The following APPBP2 variants were observed in gnomAD, a reference collection of about 807,000 sequenced individuals.
APPBP2 encodes amyloid protein-binding protein 2.
APPBP2 carries 15 observed loss-of-function variants against 76.0 expected under a neutral mutation model. The ratio of observed to expected loss-of-function variants is 0.20; its 90% CI spans 0.13 to 0.30. The LOEUF is 0.30. APPBP2 is among the 10% of genes least tolerant of loss of function. APPBP2 has a pLI of 1.00. For synonymous variants in APPBP2, 222 were observed against 242.2 expected (o/e 0.92, Z 0.77); for missense variants, 401 against 687.2 (o/e 0.58, Z 4.66).
intron 4 of APPBP2, among the ~76,000 whole-genome samples, chr17:60,471,156 CT>C (rs2090549596): frequency 1.3e-5 from 2 of 152,074 alleles, no homozygotes; most frequent in African/African-American, 4.8e-5. Context: ...ATACTAGAAA[CT>C]TAATTGACAT....
chr17:60,460,917 T>C, intron 8 of APPBP2, 130 bp from the exon 9 acceptor site: 1 of 878,800 alleles, frequency 1.1e-6, no homozygotes, highest in African/African-American at 1.7e-5. Context: ...AAAGTCCTGC[T>C]GTATTTAAAT....
At chr17:60,476,300 A>G (rs1193045938) in intron 4 of APPBP2, among the ~76,000 whole-genome samples, 4 of 152,176 alleles carry the variant, frequency 2.6e-5, no homozygotes, top group Non-Finnish European at 4.4e-5. Flanking sequence ...TGTGACATTA[A>G]ATTGAAAAAT....
intron 1 of APPBP2, among the ~76,000 whole-genome samples, chr17:60,506,474 T>C (rs916597702): frequency 3.9e-5 from 6 of 152,184 alleles, no homozygotes; most frequent in African/African-American, 1.2e-4. Flanking sequence ...CCAAATCCTC[T>C]CAACTACACT....
intron 8 of APPBP2, 21 bp from the exon 9 acceptor site, chr17:60,460,808 T>C (rs1277851625): frequency 6.2e-7 from 1 of 1,609,140 alleles, no homozygotes; most frequent in East Asian, 2.2e-5. Context: ...CATAAAAATA[T>C]TTGTCAATAC....
intron 3 of APPBP2, among the ~76,000 whole-genome samples, chr17:60,490,174 A>G (rs57611561): frequency 0.082 from 12,507 of 152,236 alleles, 1,702 homozygotes; most frequent in African/African-American, 0.28. Flanking sequence ...ACACACATAC[A>G]AACAAATGAG....
rs1222656853 is a variant in APPBP2, at chr17:60,523,664, AT to A, written c.138+2129del. On this transcript the variant is annotated intron_variant, in intron 1 of 12. Transcript: ENST00000083182. ...GGCAAAACAGCGAGACCCCATCTCT[AT>A]TTTTTTTAAATTTTAATAAAAAGAA... Among the ~76,000 whole-genome samples, 3 of 151,998 alleles carry A rather than the reference AT, an allele frequency of 2.0e-5. No individual in the cohort carries two copies. The South Asian group carries it at 6.2e-4, about 32-fold the overall frequency.
intron 2 of APPBP2, among the ~76,000 whole-genome samples, chr17:60,499,345 AAT>A (rs1567936023): frequency 2.0e-5 from 3 of 151,908 alleles, no homozygotes; most frequent in Admixed American, 6.6e-5. Context: ...AAAAAAAAAA[AAT>A]ATGGAAAACA....
chr17:60,495,537 T>C (rs1470794515), intron 2 of APPBP2, among the ~76,000 whole-genome samples: 1 of 151,816 alleles, frequency 6.6e-6, no homozygotes, highest in African/African-American at 2.4e-5. Flanking sequence ...AGTGGCATGA[T>C]CATAGCTCAC....
At chr17:60,499,204 G>A (rs536186426) in intron 2 of APPBP2, among the ~76,000 whole-genome samples, 2 of 151,252 alleles carry the variant, frequency 1.3e-5, no homozygotes, top group East Asian at 2.0e-4. Context: ...GATAGCATGC[G>A]CCTATAGTCC....
At position 60,479,236 on chromosome 17, in the gene APPBP2, C is replaced by A. The variant is rs1190261096; in HGVS notation, c.415G>T (p.Ala139Ser). The A allele has an allele frequency of 6.2e-7, 1 of 1,613,492 alleles. No individual in the cohort carries two copies. The highest frequency in any genetic ancestry group is 8.5e-7 in the Non-Finnish European group (1 of 1,179,774). Residue 139 changes from alanine to serine, a missense_variant, in exon 4 of 13, where the codon GCT (alanine) becomes TCT (serine). Coordinates refer to ENST00000083182, the MANE Select transcript of APPBP2 (RefSeq NM_006380.5). ...FLSDAGWYSD[A>S]EKVFLSCLQL... Reference sequence around the variant, plus strand: ...AGGCAGGACAGAAAAACTTTCTCAGCATCACTGTACCAGCCTGCATCTGAA... The same window carrying A: ...AGGCAGGACAGAAAAACTTTCTCAGAATCACTGTACCAGCCTGCATCTGAA...
At chr17:60,492,292 G>A (rs930519115) in intron 3 of APPBP2, among the ~76,000 whole-genome samples, 6 of 152,222 alleles carry the variant, frequency 3.9e-5, no homozygotes, top group African/African-American at 1.4e-4. Flanking sequence ...CTAGGGCAGT[G>A]TGGAAGGGAA....
chr17:60,469,150 C>CGT (rs2090532713), intron 4 of APPBP2, among the ~76,000 whole-genome samples: 1 of 151,586 alleles, frequency 6.6e-6, no homozygotes, highest in African/African-American at 2.4e-5. Context: ...ACACGATCCC[C>CGT]GTCTCTACTA....
chr17:60,451,651 T>C (rs2090396149), intron 12 of APPBP2, among the ~76,000 whole-genome samples: 1 of 152,030 alleles, frequency 6.6e-6, no homozygotes, highest in African/African-American at 2.4e-5. Context: ...TTTGTTTTTG[T>C]ATTTTTTAGT....
At chr17:60,477,676 A>T (rs1284876417) in intron 4 of APPBP2, among the ~76,000 whole-genome samples, 3 of 152,074 alleles carry the variant, frequency 2.0e-5, no homozygotes, top group Non-Finnish European at 4.4e-5. Flanking sequence ...ACCTTCTAAA[A>T]TATTATTTAT....
chr17:60,494,663 C>A (rs760858661), intron 2 of APPBP2, 46 bp from the exon 3 acceptor site: 2 of 1,499,552 alleles, frequency 1.3e-6, no homozygotes, highest in Admixed American at 4.7e-5. Context: ...ATTTATTTTT[C>A]TCCTTTTAGA....
At chr17:60,492,538 G>T (rs545277053) in intron 3 of APPBP2, among the ~76,000 whole-genome samples, 23 of 152,314 alleles carry the variant, frequency 1.5e-4, no homozygotes, top group African/African-American at 5.5e-4. Context: ...CCCACCTCTT[G>T]CAACAGCATG....
At chr17:60,470,711 T>G (rs8077134) in intron 4 of APPBP2, among the ~76,000 whole-genome samples, 12,024 of 137,466 alleles carry the variant, frequency 0.087, 1,431 homozygotes, top group African/African-American at 0.3. Flanking sequence ...CAGAGTAGCT[T>G]GGATTACAGG....
chr17:60,525,733 G>A (rs2091048202), intron 1 of APPBP2, 61 bp downstream of exon 1: 3 of 1,607,392 alleles, frequency 1.9e-6, no homozygotes, highest in Non-Finnish European at 1.7e-6. Flanking sequence ...CGCAGACGTG[G>A]AAGGGGGTGC....
At chr17:60,487,405 T>C (rs574470339) in intron 3 of APPBP2, among the ~76,000 whole-genome samples, 26 of 152,314 alleles carry the variant, frequency 1.7e-4, no homozygotes, top group Non-Finnish European at 3.1e-4. Context: ...TTTACTCTCT[T>C]TTCTCTAAAC....
Sources: gnomAD v4.1 joint callset for allele counts (sites outside exome capture counted in the v4.1 genomes callset) on GRCh38, gnomAD v4.1.1 for gene constraint, MANE v1.5 for transcripts, NCBI Gene and HGNC (gene_info 2026-07-23, HGNC 2026-07-21) for gene names.